RBFOX1: variants seen among roughly 807,000 people sequenced by gnomAD.
RBFOX1 encodes RNA binding fox-1 homolog 1, also known as RNA binding protein fox-1 homolog 1.
Under a neutral mutation model 57.7 loss-of-function variants are expected in RBFOX1, and 8 were observed. That is an observed-to-expected ratio of 0.14 (90% CI 0.08 to 0.25). The LOEUF is 0.25. Among genes scored for constraint, RBFOX1 ranks in the 10% least tolerant of loss-of-function variants. RBFOX1 has a pLI of 1.00. For synonymous variants in RBFOX1, 326 were observed against 222.4 expected (o/e 1.47, Z -4.15); for missense variants, 611 against 548.5 (o/e 1.11, Z -1.14).
intron 4 of RBFOX1, among the ~76,000 whole-genome samples, chr16:7,132,308 C>T (rs1055945241): frequency 6.6e-6 from 1 of 152,008 alleles, no homozygotes; most frequent in African/African-American, 2.4e-5. Flanking sequence ...TTGCAATGTT[C>T]TTTATCTGTA....
At chr16:7,145,976 T>G (rs1362143657) in intron 4 of RBFOX1, among the ~76,000 whole-genome samples, 3 of 152,304 alleles carry the variant, frequency 2.0e-5, no homozygotes, top group South Asian at 4.1e-4. Context: ...TCTCTGCAAC[T>G]AGTCACCCCA....
At chr16:7,294,269 A>C (rs542291618) in intron 4 of RBFOX1, among the ~76,000 whole-genome samples, 2 of 152,062 alleles carry the variant, frequency 1.3e-5, no homozygotes, top group African/African-American at 4.8e-5. Context: ...AGTCCTGTGC[A>C]CTGGAAACAG....
chr16:6,123,973 T>C (rs987720100), intron 1 of RBFOX1, among the ~76,000 whole-genome samples: 9 of 152,240 alleles, frequency 5.9e-5, no homozygotes, highest in African/African-American at 2.2e-4. Flanking sequence ...GAAAAGCATA[T>C]ACCGCTTAAA....
chr16:6,411,036 A>G (rs1228109293), intron 2 of RBFOX1, among the ~76,000 whole-genome samples: 1 of 152,220 alleles, frequency 6.6e-6, no homozygotes, highest in African/African-American at 2.4e-5. Flanking sequence ...AGAGGAAACC[A>G]TGGCTCCCGC....
intron 14 of RBFOX1, among the ~76,000 whole-genome samples, chr16:7,704,987 T>G (rs1598549874): frequency 7.1e-6 from 1 of 141,360 alleles, no homozygotes; most frequent in African/African-American, 2.7e-5. Flanking sequence ...GAGGTTAGAG[T>G]GAGCCGAGAT....
At chr16:6,355,887 A>G (rs533236123) in intron 2 of RBFOX1, among the ~76,000 whole-genome samples, 7 of 152,320 alleles carry the variant, frequency 4.6e-5, no homozygotes, top group Non-Finnish European at 7.3e-5. Context: ...AGCAACTTCT[A>G]TTTCCAAAAA....
chr16:5,783,079 C>A (rs78846852), intron 3 of RBFOX1, among the ~76,000 whole-genome samples: 1 of 152,154 alleles, frequency 6.6e-6, no homozygotes, highest in East Asian at 1.9e-4. Flanking sequence ...TTAGCATTCC[C>A]TAATCCAGGC....
At chr16:7,461,648 G>A (rs767235721) in intron 4 of RBFOX1, among the ~76,000 whole-genome samples, 7 of 152,198 alleles carry the variant, frequency 4.6e-5, no homozygotes, top group South Asian at 2.1e-4. Flanking sequence ...ACGTTTTCTT[G>A]GAATTCATAA....
intron 2 of RBFOX1, among the ~76,000 whole-genome samples, chr16:6,641,851 C>T (rs1879907143): frequency 6.6e-6 from 1 of 150,432 alleles, no homozygotes; most frequent in East Asian, 2.0e-4. Context: ...TAACGTGTTT[C>T]CTTCTTTGGA....
chr16:5,953,704 T>TTATATATATATATA (rs369586168), intron 4 of RBFOX1, among the ~76,000 whole-genome samples: 5 of 138,688 alleles, frequency 3.6e-5, no homozygotes, highest in African/African-American at 1.4e-4. Context: ...GTCTTCTGTC[T>TTATATATATATATA]TATATATATA....
intron 4 of RBFOX1, among the ~76,000 whole-genome samples, chr16:7,117,475 T>C (rs1156302686): frequency 2.0e-5 from 3 of 152,136 alleles, no homozygotes; most frequent in Non-Finnish European, 4.4e-5. Context: ...TCCAATTACT[T>C]AATGTGTGAG....
chr16:7,494,831 T>TC (rs2068072899), intron 4 of RBFOX1, among the ~76,000 whole-genome samples: 2 of 2,846 alleles, frequency 7.0e-4, no homozygotes, highest in African/African-American at 1.9e-3. Flanking sequence ...TGTTACCTAC[T>TC]TTTTTTTTTT....
In RBFOX1 at chr16:7,023,564, T is replaced by TAAAAAAAAAAAAAAAAAAAAAA. The variant is rs34056673; in HGVS notation, c.-15-28484_-15-28463dup. 1.1e-3 allele frequency among the ~76,000 whole-genome samples: 49 copies of TAAAAAAAAAAAAAAAAAAAAAA among 43,922 alleles called. 5 individuals carry two copies. The highest frequency in any genetic ancestry group is 1.2e-3 in the Non-Finnish European group (30 of 24,496). The allele number at this position is 43,922 out of a possible 152,430, so 28.8% of individuals were successfully genotyped here. A position where few individuals can be genotyped will look rare whatever the true frequency, so the allele number is the denominator to read the frequency against. On this transcript the variant is annotated intron_variant, in intron 3 of 15. Transcript: ENST00000550418. ...CAACATGGTGAAACTTCGTCTGTACTAAAAAAAAAAAAAAAAAAAAAAAAA... is the reference window on the plus strand; with the variant it reads ...CAACATGGTGAAACTTCGTCTGTACTAAAAAAAAAAAAAAAAAAAAAAAAAAAAAAAAAAAAAAAAAAAAAAA...
intron 4 of RBFOX1, among the ~76,000 whole-genome samples, chr16:7,111,103 C>T (rs562534610): frequency 6.6e-6 from 1 of 152,282 alleles, no homozygotes; most frequent in Non-Finnish European, 1.5e-5. Flanking sequence ...TATGTCGAGA[C>T]ATGTGGCCAA....
At chr16:5,680,618 G>C (rs1053015853) in intron 3 of RBFOX1, among the ~76,000 whole-genome samples, 1 of 152,184 alleles carries the variant, frequency 6.6e-6, no homozygotes, top group Non-Finnish European at 1.5e-5. Context: ...AGAAGTGGCT[G>C]TTAAAGTCAG....
chr16:5,947,236 G>A lies in RBFOX1; in HGVS notation c.351+79901G>A, dbSNP rs1477676345. Among the ~76,000 whole-genome samples, 1 of 152,102 alleles carries A rather than the reference G, an allele frequency of 6.6e-6. No homozygotes were observed. The highest frequency in any genetic ancestry group is 2.4e-5 in the African/African-American group (1 of 41,424). On this transcript the variant is annotated intron_variant, in intron 4 of 19. Transcript: ENST00000641259. This position sits in a 1 kb window ranked among gnomAD's most constrained non-coding sequence, Gnocchi z 7.2. ...GTCTCTAAAACAAAACAAACCAGAAGAAAGGCTACTAAGGCTGGAGAGCAC... is the reference window on the plus strand; with the variant it reads ...GTCTCTAAAACAAAACAAACCAGAAAAAAGGCTACTAAGGCTGGAGAGCAC...
chr16:7,164,702 A>G (rs1433709122), intron 4 of RBFOX1, among the ~76,000 whole-genome samples: 1 of 152,212 alleles, frequency 6.6e-6, no homozygotes, highest in Non-Finnish European at 1.5e-5. Context: ...ATTTCTATTC[A>G]GTTTTCCCCT....
At chr16:6,036,205 A>C (rs1343046247) in intron 1 of RBFOX1, among the ~76,000 whole-genome samples, 1 of 152,164 alleles carries the variant, frequency 6.6e-6, no homozygotes, top group African/African-American at 2.4e-5. Context: ...GAACTGTGTC[A>C]CTTCTCAGCA....
At chr16:7,527,512 G>A (rs1398358951) in intron 5 of RBFOX1, among the ~76,000 whole-genome samples, 1 of 152,056 alleles carries the variant, frequency 6.6e-6, no homozygotes, top group Non-Finnish European at 1.5e-5. Context: ...ATTGGAGGTT[G>A]TTATGACAGG....
Sources: allele counts gnomAD v4.1 joint callset (sites outside exome capture counted in the v4.1 genomes callset), GRCh38; gene constraint gnomAD v4.1.1; non-coding constraint Gnocchi (gnomAD v3.1); transcripts MANE v1.5; gene names NCBI Gene and HGNC (gene_info 2026-07-23, HGNC 2026-07-21).